The following PRAMEF5 variants were observed in gnomAD, a reference collection of about 807,000 sequenced individuals.
PRAMEF5 encodes the protein PRAME family member 5.
Under a neutral mutation model 16.4 loss-of-function variants are expected in PRAMEF5, and 5 were observed. The observed-to-expected ratio is 0.30, with a 90% confidence interval of 0.16 to 0.64. The LOEUF (loss-of-function observed/expected upper bound fraction) is 0.64, where lower values mean the gene tolerates loss of function less well. Ranked by LOEUF, PRAMEF5 falls within the 30% of genes least tolerant of loss-of-function variation. The pLI is 0.80. For missense variants in PRAMEF5, 36 were observed against 282.9 expected (o/e 0.13, Z 6.26); for synonymous variants, 19 against 107.3 (o/e 0.18, Z 5.09).
chr1:13,260,340 C>A (rs1437553569), exon 3 of PRAMEF5: 1 of 1,598,462 alleles, frequency 6.3e-7, no homozygotes. Flanking sequence ...AAAACCAGTG[C>A]AGGACTGTCC....
intron 3 of PRAMEF5, chr1:13,262,067 T>C (rs1639398746): frequency 5.8e-6 from 1 of 171,374 alleles, no homozygotes; most frequent in Admixed American, 5.9e-5. Context: ...TATTTTTTTC[T>C]CCTTTTTTTT....
rs1553173646 is a variant in PRAMEF5 at position 13,260,119 on chromosome 1, G to A, written c.288-103G>A. 97 of 1,545,154 alleles carry A rather than the reference G, an allele frequency of 6.3e-5. No individual in the cohort carries two copies. In the Middle Eastern group the frequency reaches 1.6e-3, roughly 26 times the overall value. On this transcript the variant is annotated intron_variant, in intron 2 of 3. Coordinates refer to ENST00000622421, the Ensembl canonical transcript of PRAMEF5. ...AAACAGGGTGAAGAAAAGTCAGAGA[G>A]AGGGACAAGAAGCAGGGAGGGGAGG...
chr1:13,256,234 A>G (rs1189967771), intron 1 of PRAMEF5: 4 of 142,966 alleles, frequency 2.8e-5, no homozygotes, highest in South Asian at 2.4e-4. Context: ...AACTGGGTGG[A>G]GCTTCACAAA....
chr1:13,263,415 C>G, downstream of PRAMEF5: 1 of 539,946 alleles, frequency 1.9e-6, no homozygotes, highest in Non-Finnish European at 3.2e-6. Flanking sequence ...AAGAAACAAT[C>G]AGAAATAAAG....
At chr1:13,260,184 G>A (rs1315502542) in intron 2 of PRAMEF5, 38 bp from the exon 3 acceptor site, 2 of 1,560,806 alleles carry the variant, frequency 1.3e-6, no homozygotes, top group Admixed American at 1.7e-5. Context: ...TCAGAAATGA[G>A]TTCTGAAATT....
In PRAMEF5 at chr1:13,260,228, G is replaced by A. The variant is rs1346659207; in HGVS notation, c.294G>A (p.Trp98Ter). The change falls in exon 3 of 4, where the codon TGG becomes TGA. Residue 98 changes from tryptophan (W) to a stop codon, truncating the protein, a stop_gained. Coordinates refer to ENST00000622421, the Ensembl canonical transcript of PRAMEF5. LOFTEE classifies it high-confidence loss of function. ...CACCTCTATTTTCCCACAGGAGGTG[G>A]AAACTTCAAGTGCTGGATTTACAGG... 2 of 1,583,490 alleles carry A rather than the reference G, an allele frequency of 1.3e-6. No individual in the cohort carries two copies. Among genetic ancestry groups the A allele is most frequent in the African/African-American group, 1.3e-5 (1 of 74,442 alleles).
intron 1 of PRAMEF5, chr1:13,255,776 C>CTTTTTTTTTTTT (rs1174990976): frequency 4.6e-4 from 10 of 21,660 alleles, no homozygotes; most frequent in Non-Finnish European, 8.0e-4. Flanking sequence ...TTTTCTTTTT[C>CTTTTTTTTTTTT]TTTTTTTTTT....
At chr1:13,259,622 G>A in intron 2 of PRAMEF5, 67 bp downstream of exon 2, 1 of 29,902 alleles carries the variant, frequency 3.3e-5, no homozygotes, top group Non-Finnish European at 5.8e-5. Context: ...GCTGTGTCAT[G>A]ACAAGTGAGG....
chr1:13,260,190 A>G (rs1380799072), intron 2 of PRAMEF5, 32 bp from the exon 3 acceptor site: 1 of 1,564,492 alleles, frequency 6.4e-7, no homozygotes, highest in Non-Finnish European at 8.7e-7. Flanking sequence ...ATGAGTTCTG[A>G]AATTCTCATT....
chr1:13,262,157 G>A (rs1318063045), intron 3 of PRAMEF5: 2,122 of 127,538 alleles, frequency 0.017, 10 homozygotes, highest in African/African-American at 0.063. Context: ...CACCTCCTGG[G>A]TTCAAGCGAT....
Position 13,259,974 on chromosome 1 carries a change from G to A in PRAMEF5, c.288-248G>A, listed in dbSNP as rs1553173695. On this transcript the variant is annotated intron_variant, in intron 2 of 3. Coordinates refer to ENST00000622421, the Ensembl canonical transcript of PRAMEF5. ...TGAGGCAGGAGAATCATTTGAACCC[G>A]GGAAGCAGAGGTTGCAGTGAGGTGA... 2.5e-4 allele frequency: 132 copies of A among 523,304 alleles called. 2 individuals carry two copies. The highest frequency in any genetic ancestry group is 1.0e-3 in the Middle Eastern group (2 of 2,002). 32.4% of individuals were successfully genotyped at this position (523,304 alleles called of 1,614,324 possible). A position where few individuals can be genotyped will look rare whatever the true frequency, so the allele number is the denominator to read the frequency against.
chr1:13,256,154 G>GA (rs1462340789), intron 1 of PRAMEF5: 2 of 134,818 alleles, frequency 1.5e-5, no homozygotes, highest in Non-Finnish European at 3.4e-5. Context: ...AGTGAATATA[G>GA]ATATGTGATA....
chr1:13,255,817 T>G (rs1639315592), intron 1 of PRAMEF5: 1 of 132,374 alleles, frequency 7.6e-6, no homozygotes, highest in African/African-American at 2.6e-5. Context: ...GAATCTAGCC[T>G]ATTTCCCAGG....
intron 2 of PRAMEF5, 174 bp from the exon 3 acceptor site, chr1:13,260,048 C>CT (rs1639370077): frequency 3.2e-6 from 3 of 952,344 alleles, no homozygotes; most frequent in Non-Finnish European, 4.6e-6. Context: ...GACGTGGTCT[C>CT]AAAAGAAAAA....
chr1:13,256,318 AG>A (rs1639327816), intron 1 of PRAMEF5: 2 of 137,020 alleles, frequency 1.5e-5, no homozygotes, highest in Non-Finnish European at 1.7e-5. Flanking sequence ...AGTTGTGATT[AG>A]AAAGGTCAAT....
rs1192921568 is a variant in PRAMEF5 at position 13,260,176 on chromosome 1, A to G, written c.288-46A>G. The G allele has an allele frequency of 5.1e-6, 8 of 1,560,578 alleles. No individual in the cohort carries two copies. The African/African-American group carries it at 8.1e-5, about 16-fold the overall frequency. On this transcript the variant is annotated intron_variant, in intron 2 of 3. Coordinates refer to ENST00000622421, the Ensembl canonical transcript of PRAMEF5. ...TCTCCAGGATGTGGAGTTTAAGTTC[A>G]GAAATGAGTTCTGAAATTCTCATTC...
rs1459789578 is a variant in PRAMEF5 at position 13,260,146 on chromosome 1, G to A, written c.288-76G>A. 8.4e-6 allele frequency: 13 copies of A among 1,552,318 alleles called. 3 individuals carry two copies. The Admixed American group carries it at 1.4e-4, about 16-fold the overall frequency. The stretch of plus-strand genomic sequence containing the variant: ...GGGACAAGAAGCAGGGAGGGGAGGA[G>A]CTGCTCTCCAGGATGTGGAGTTTAA... On this transcript the variant is annotated intron_variant, in intron 2 of 3. Transcript: ENST00000622421.
intron 3 of PRAMEF5, chr1:13,262,156 G>C (rs1209413601): frequency 7.8e-6 from 1 of 128,630 alleles, no homozygotes; most frequent in African/African-American, 3.1e-5. Context: ...ACACCTCCTG[G>C]GTTCAAGCGA....
In PRAMEF5 at chr1:13,260,216, C is replaced by T; in HGVS notation, c.288-6C>T. The T allele has an allele frequency of 6.3e-7, 1 of 1,577,718 alleles. No homozygotes were observed. Among genetic ancestry groups the T allele is most frequent in the Non-Finnish European group, 8.7e-7 (1 of 1,153,728 alleles). ...AATTCTCATTCTCACCTCTATTTTC[C>T]CACAGGAGGTGGAAACTTCAAGTGC... On this transcript the variant is annotated splice_polypyrimidine_tract_variant and splice_region_variant and intron_variant, in intron 2 of 3. Coordinates refer to ENST00000622421, the Ensembl canonical transcript of PRAMEF5.
Sources: gnomAD v4.1 joint callset for allele counts on GRCh38, gnomAD v4.1.1 for gene constraint, MANE v1.5 for transcripts, NCBI Gene and HGNC (gene_info 2026-07-23, HGNC 2026-07-21) for gene names.